NRXN3: variants seen among roughly 807,000 people sequenced by gnomAD.
NRXN3 encodes neurexin 3.
NRXN3 carries 32 observed loss-of-function variants against 137.6 expected under a neutral mutation model. That is an observed-to-expected ratio of 0.23 (90% CI 0.18 to 0.31). NRXN3 has a LOEUF of 0.31. NRXN3 is among the 10% of genes least tolerant of loss of function. NRXN3 has a pLI of 1.00. For synonymous variants in NRXN3, 798 were observed against 784.5 expected (o/e 1.02, Z -0.29); for missense variants, 1,574 against 2,062.5 (o/e 0.76, Z 4.59).
At chr14:79,610,657 A>G (rs1298039731) in intron 16 of NRXN3, among the ~76,000 whole-genome samples, 1 of 152,224 alleles carries the variant, frequency 6.6e-6, no homozygotes, top group Non-Finnish European at 1.5e-5. Flanking sequence ...TGGTTGACTT[A>G]GCAATTTAAA....
At chr14:78,899,758 T>C (rs1017114933) in intron 10 of NRXN3, among the ~76,000 whole-genome samples, 3 of 152,008 alleles carry the variant, frequency 2.0e-5, no homozygotes, top group Non-Finnish European at 4.4e-5. Flanking sequence ...AAAAAAAATC[T>C]CTTAAATGTT....
chr14:79,042,052 C>G (rs1316097928), intron 15 of NRXN3, among the ~76,000 whole-genome samples: 3 of 152,226 alleles, frequency 2.0e-5, no homozygotes, highest in South Asian at 4.1e-4. Context: ...CAAGAGGAAA[C>G]CAAAGTTAGC....
At chr14:79,020,356 C>A (rs2099587510) in intron 15 of NRXN3, among the ~76,000 whole-genome samples, 1 of 150,642 alleles carries the variant, frequency 6.6e-6, no homozygotes, top group African/African-American at 2.5e-5. Context: ...ACCTCCGCTT[C>A]CCAGGTTCAA....
chr14:78,720,036 A>G (rs768816173), intron 8 of NRXN3, among the ~76,000 whole-genome samples: 2 of 152,106 alleles, frequency 1.3e-5, no homozygotes, highest in Non-Finnish European at 2.9e-5. Context: ...TTTCCATTAC[A>G]TTGAGCAGCC....
intron 1 of NRXN3, among the ~76,000 whole-genome samples, chr14:78,209,636 C>A (rs2062552362): frequency 6.6e-6 from 1 of 152,268 alleles, no homozygotes. Flanking sequence ...CTCATGAGAA[C>A]TCACTACCAC....
chr14:79,171,247 G>A (rs995191096), intron 15 of NRXN3, among the ~76,000 whole-genome samples: 1 of 152,214 alleles, frequency 6.6e-6, no homozygotes, highest in Admixed American at 6.6e-5. Context: ...GTAGAAGGAA[G>A]GAAGTGAAGA....
At chr14:78,984,134 G>T (rs1434545080) in intron 14 of NRXN3, among the ~76,000 whole-genome samples, 1 of 152,064 alleles carries the variant, frequency 6.6e-6, no homozygotes, top group Non-Finnish European at 1.5e-5. Context: ...AGAGGAATAG[G>T]CTTTGGTAAT....
chr14:78,719,928 G>A (rs2098452072), intron 8 of NRXN3, among the ~76,000 whole-genome samples: 1 of 152,128 alleles, frequency 6.6e-6, no homozygotes, highest in Non-Finnish European at 1.5e-5. Flanking sequence ...GGTAAATGAG[G>A]AATTGGAAGC....
intron 8 of NRXN3, among the ~76,000 whole-genome samples, chr14:78,742,469 A>T (rs2098581890): frequency 6.6e-6 from 1 of 152,246 alleles, no homozygotes; most frequent in African/African-American, 2.4e-5. Context: ...AGCCATATCA[A>T]TTGCTGCATG....
chr14:78,824,988 C>T (rs2098962049), intron 10 of NRXN3, among the ~76,000 whole-genome samples: 1 of 151,784 alleles, frequency 6.6e-6, no homozygotes, highest in Admixed American at 6.6e-5. Flanking sequence ...AAATCGGATC[C>T]ATCTTTTCCC....
intron 15 of NRXN3, among the ~76,000 whole-genome samples, chr14:79,354,738 C>A (rs899473413): frequency 6.6e-6 from 1 of 152,206 alleles, no homozygotes; most frequent in African/African-American, 2.4e-5. Flanking sequence ...TATAATTTAA[C>A]ACCAGTTCAT....
At chr14:79,749,459 G>A (rs1182966825) in intron 19 of NRXN3, among the ~76,000 whole-genome samples, 2 of 151,884 alleles carry the variant, frequency 1.3e-5, no homozygotes, top group East Asian at 3.9e-4. Context: ...TAGTGACAGG[G>A]TATTACTATG....
chr14:79,130,998 C>A (rs184208382), intron 15 of NRXN3, among the ~76,000 whole-genome samples: 1 of 152,202 alleles, frequency 6.6e-6, no homozygotes, highest in Non-Finnish European at 1.5e-5. Flanking sequence ...GCATTCTTCA[C>A]GTAGTTCTCG....
At chr14:78,689,960 C>G (rs2098157129) in intron 6 of NRXN3, among the ~76,000 whole-genome samples, 1 of 151,976 alleles carries the variant, frequency 6.6e-6, no homozygotes, top group Non-Finnish European at 1.5e-5. Context: ...CAACTCAGTT[C>G]TTTCTATCAG....
At chr14:79,033,711 A>T (rs368083024) in intron 15 of NRXN3, among the ~76,000 whole-genome samples, 2 of 152,168 alleles carry the variant, frequency 1.3e-5, no homozygotes, top group African/African-American at 4.8e-5. Context: ...CTAAAGAGCT[A>T]TAATAAGAAA....
chr14:79,402,976 T>C (rs1282697806), intron 15 of NRXN3, among the ~76,000 whole-genome samples: 3 of 152,196 alleles, frequency 2.0e-5, no homozygotes, highest in African/African-American at 7.2e-5. Flanking sequence ...AAGTGTGTTT[T>C]TAGCACCTAT....
chr14:79,525,863 T>C (rs1001435603), intron 16 of NRXN3, among the ~76,000 whole-genome samples: 1 of 152,070 alleles, frequency 6.6e-6, no homozygotes, highest in South Asian at 2.1e-4. Flanking sequence ...TTGTGCAGGG[T>C]TATTAGGAGC....
chr14:78,709,658 AG>A lies in NRXN3; in HGVS notation c.1660+5del. 1 of 1,605,736 alleles carries A rather than the reference AG, an allele frequency of 6.2e-7. No individual in the cohort carries two copies. Among genetic ancestry groups the A allele is most frequent in the Non-Finnish European group, 8.5e-7 (1 of 1,176,574 alleles). On this transcript the variant is annotated splice_donor_region_variant and intron_variant, in intron 7 of 20. Coordinates refer to ENST00000335750, the MANE Select transcript of NRXN3 (RefSeq NM_001330195.2). Reference sequence around the variant, plus strand: ...CATTCAGCGAGATGGCAGATCAGGTAGGAAGAGGCAGGATGTGTGACTGAGA... The same window carrying A: ...CATTCAGCGAGATGGCAGATCAGGTAGAAGAGGCAGGATGTGTGACTGAGA...
intron 16 of NRXN3, among the ~76,000 whole-genome samples, chr14:79,473,037 G>A (rs979499779): frequency 1.1e-4 from 16 of 152,042 alleles, no homozygotes; most frequent in Non-Finnish European, 1.9e-4. Context: ...AGCCTTTCAG[G>A]AACAGTGAAA....
Sources: gnomAD v4.1 joint callset for allele counts (sites outside exome capture counted in the v4.1 genomes callset) on GRCh38, gnomAD v4.1.1 for gene constraint, MANE v1.5 for transcripts, NCBI Gene and HGNC (gene_info 2026-07-23, HGNC 2026-07-21) for gene names.